The following PKP4 variants were observed in gnomAD, a reference collection of about 807,000 sequenced individuals.
The protein encoded by PKP4 is plakophilin 4.
Under a neutral mutation model 145.1 loss-of-function variants are expected in PKP4, and 90 were observed. The observed-to-expected ratio is 0.62, with a 90% CI of 0.52 to 0.74. The LOEUF (loss-of-function observed/expected upper bound fraction) is 0.74. Among genes scored for constraint, PKP4 ranks in the 30% least tolerant of loss-of-function variants. The probability of loss-of-function intolerance (pLI) is 0.00; values close to 1 mark genes in which losing one functional copy is unlikely to be tolerated. For synonymous variants in PKP4, 563 were observed against 577.2 expected (o/e 0.98, Z 0.35); for missense variants, 1,340 against 1,482.7 (o/e 0.90, Z 1.58).
chr2:158,474,438 T>G (rs1427144643), intron 1 of PKP4, among the ~76,000 whole-genome samples: 2 of 152,092 alleles, frequency 1.3e-5, no homozygotes, highest in Non-Finnish European at 2.9e-5. Flanking sequence ...GCCTCAGAAA[T>G]CAGTTATTGA....
intron 17 of PKP4, among the ~76,000 whole-genome samples, chr2:158,670,838 A>G (rs2057491257): frequency 6.6e-6 from 1 of 152,156 alleles, no homozygotes; most frequent in African/African-American, 2.4e-5. Context: ...AGGACTAGAG[A>G]ATCAGTGGTA....
chr2:158,572,761 T>C (rs1228246950), intron 2 of PKP4, among the ~76,000 whole-genome samples: 1 of 152,168 alleles, frequency 6.6e-6, no homozygotes, highest in African/African-American at 2.4e-5. Context: ...GTGTTTGTTA[T>C]CAGGGAAATA....
chr2:158,533,449 C>A lies in PKP4; in HGVS notation c.132+133C>A, dbSNP rs774338114. 8.4e-6 allele frequency: 9 copies of A among 1,073,254 alleles called. No individual in the cohort carries two copies. In the Admixed American group the frequency reaches 1.6e-4, roughly 19 times the overall value. 66.5% of individuals were successfully genotyped at this position (1,073,254 alleles called of 1,614,324 possible). On this transcript the variant is annotated intron_variant, in intron 2 of 21. Coordinates refer to ENST00000389759, the MANE Select transcript of PKP4 (RefSeq NM_003628.6). ...TTTCTAATTATAAGGTGTTTACATC[C>A]CTGAGTACATTGGGATGACTGGCAT...
chr2:158,502,001 G>T (rs544245610), intron 1 of PKP4, among the ~76,000 whole-genome samples: 1 of 152,200 alleles, frequency 6.6e-6, no homozygotes. Context: ...TTTATAAAGT[G>T]TGTTTGATGA....
At chr2:158,518,711 T>C (rs2042120797) in intron 1 of PKP4, among the ~76,000 whole-genome samples, 1 of 152,230 alleles carries the variant, frequency 6.6e-6, no homozygotes, top group African/African-American at 2.4e-5. Flanking sequence ...TGATTTTGGT[T>C]ACAGAACTTC....
chr2:158,646,572 T>A (rs2054852290), intron 11 of PKP4, among the ~76,000 whole-genome samples: 1 of 152,234 alleles, frequency 6.6e-6, no homozygotes, highest in African/African-American at 2.4e-5. Flanking sequence ...AATTTAGTGG[T>A]ACCAATCTTA....
chr2:158,505,773 G>C (rs939396621), intron 1 of PKP4, among the ~76,000 whole-genome samples: 1 of 151,994 alleles, frequency 6.6e-6, no homozygotes, highest in African/African-American at 2.4e-5. Context: ...GCTGGGAGAG[G>C]GCATGCCAGG....
chr2:158,564,370 A>G (rs2046801209), intron 2 of PKP4, among the ~76,000 whole-genome samples: 1 of 152,156 alleles, frequency 6.6e-6, no homozygotes, highest in Admixed American at 6.5e-5. Flanking sequence ...TTGAATAAGG[A>G]TATAGTATGC....
chr2:158,654,879 C>CTATGTGTCCTGCA (rs1486064809), intron 11 of PKP4, among the ~76,000 whole-genome samples: 10 of 152,154 alleles, frequency 6.6e-5, no homozygotes, highest in Non-Finnish European at 1.0e-4. Flanking sequence ...TGACCACCTA[C>CTATGTGTCCTGCA]TATGTGTCCT....
At chr2:158,536,410 T>C (rs931688087) in intron 2 of PKP4, among the ~76,000 whole-genome samples, 1 of 152,206 alleles carries the variant, frequency 6.6e-6, no homozygotes, top group East Asian at 1.9e-4. Flanking sequence ...AAAATTAACC[T>C]GAATTTTGAG....
chr2:158,464,287 A>G (rs1388529882), intron 1 of PKP4, among the ~76,000 whole-genome samples: 5 of 152,224 alleles, frequency 3.3e-5, no homozygotes, highest in African/African-American at 9.6e-5. Context: ...TATCTCATAG[A>G]ATAGAGGGAC....
intron 3 of PKP4, among the ~76,000 whole-genome samples, chr2:158,591,236 C>T (rs1387249394): frequency 6.6e-6 from 1 of 151,906 alleles, no homozygotes; most frequent in Non-Finnish European, 1.5e-5. Context: ...TTAAACCACC[C>T]AACTGTTTTT....
At chr2:158,518,976 CTTA>C (rs1323758796) in intron 1 of PKP4, among the ~76,000 whole-genome samples, 3 of 152,064 alleles carry the variant, frequency 2.0e-5, no homozygotes, top group African/African-American at 7.2e-5. Flanking sequence ...ATTTTATTCA[CTTA>C]TTGTCTCATT....
intron 1 of PKP4, among the ~76,000 whole-genome samples, chr2:158,484,112 A>G (rs890101380): frequency 2.0e-5 from 3 of 148,830 alleles, no homozygotes; most frequent in Non-Finnish European, 3.0e-5. Context: ...CAGTGGCGCA[A>G]TCTCGGCTCA....
rs1303969616 is a variant in PKP4, at chr2:158,655,426, C to A, written c.1910-2705C>A. On this transcript the variant is annotated intron_variant, in intron 11 of 21. Transcript: ENST00000389759. ...AAACAACAAAAAAAAACAGGTTTTT[C>A]TGACTGCAATCAGAGAATTTCTAGG... 1.3e-5 allele frequency among the ~76,000 whole-genome samples: 2 copies of A among 152,088 alleles called. 1 individual carries two copies. Among genetic ancestry groups the A allele is most frequent in the South Asian group, 4.1e-4 (2 of 4,830 alleles).
At chr2:158,600,942 T>C (rs543564285) in intron 3 of PKP4, among the ~76,000 whole-genome samples, 3 of 152,310 alleles carry the variant, frequency 2.0e-5, no homozygotes, top group African/African-American at 7.2e-5. Context: ...GCAGCAAAAA[T>C]GCTGTTTGCT....
In PKP4 at chr2:158,625,809, A is replaced by T. The variant is rs2052723496; in HGVS notation, c.1153+382A>T. ...CTAAACATACCCTAAAGTTATGTTA[A>T]AAGGTGGTATCAGAATATCTGTTTA... On this transcript the variant is annotated intron_variant, in intron 7 of 21. Coordinates refer to ENST00000389759, the MANE Select transcript of PKP4 (RefSeq NM_003628.6). 2.6e-5 allele frequency among the ~76,000 whole-genome samples: 4 copies of T among 152,306 alleles called. No homozygotes were observed. In the South Asian group the frequency reaches 8.3e-4, roughly 32 times the overall value.
chr2:158,458,956 C>T (rs1263753980), intron 1 of PKP4, among the ~76,000 whole-genome samples: 4 of 152,028 alleles, frequency 2.6e-5, no homozygotes, highest in African/African-American at 9.7e-5. Context: ...ATAAATGCTG[C>T]CCTACAAGTT....
intron 2 of PKP4, among the ~76,000 whole-genome samples, chr2:158,540,810 T>A (rs188838953): frequency 2.0e-5 from 3 of 152,322 alleles, no homozygotes; most frequent in African/African-American, 7.2e-5. Context: ...TTTTTACCAT[T>A]GAATTAGCAT....
Sources: gnomAD v4.1 joint callset for allele counts (sites outside exome capture counted in the v4.1 genomes callset) on GRCh38, gnomAD v4.1.1 for gene constraint, MANE v1.5 for transcripts, NCBI Gene and HGNC (gene_info 2026-07-23, HGNC 2026-07-21) for gene names.